LRRC37A2: variants seen among roughly 807,000 people sequenced by gnomAD.
LRRC37A2 encodes the protein leucine rich repeat containing 37 member A2.
LRRC37A2 carries 9 observed loss-of-function variants against 68.8 expected under a neutral mutation model. The observed-to-expected ratio is 0.13, with a 90% CI of 0.08 to 0.23. The LOEUF (loss-of-function observed/expected upper bound fraction) is 0.23. Among genes scored for constraint, LRRC37A2 ranks in the 10% least tolerant of loss-of-function variants. The pLI, the probability that LRRC37A2 is intolerant of heterozygous loss-of-function variation, is 1.00. For missense variants in LRRC37A2, 168 were observed against 950.4 expected, an observed-to-expected ratio of 0.18 and a Z score of 10.82; for synonymous variants, 63 against 367.6, an observed-to-expected ratio of 0.17 and a Z score of 9.48.
At chr17:46,901,270 T>C in the LRRC37A2 span, among the ~76,000 whole-genome samples, 1 of 152,138 alleles carries the variant, frequency 6.6e-6, no homozygotes, top group South Asian at 2.1e-4. Context: ...CAAGTGATTC[T>C]CCTGTCTCAG....
At chr17:46,930,420 A>C in the LRRC37A2 span, 4 of 152,320 alleles carry the variant, frequency 2.6e-5, no homozygotes, top group African/African-American at 9.7e-5. Context: ...TAGAAATGGA[A>C]AGAGGTCATT....
the LRRC37A2 span, chr17:46,922,845 A>G: frequency 1.6e-5 from 6 of 377,724 alleles, no homozygotes; most frequent in South Asian, 1.6e-4. Context: ...ACAGCAGATG[A>G]TAGCGGCTCG....
At chr17:46,923,877 A>G in the LRRC37A2 span, 156 of 392,954 alleles carry the variant, frequency 4.0e-4, 1 homozygote, top group East Asian at 4.0e-3. Flanking sequence ...TTGAGTATTA[A>G]TGGGGCCATA....
chr17:46,818,555 C>T, the LRRC37A2 span: 2 of 1,609,012 alleles, frequency 1.2e-6, no homozygotes, highest in Non-Finnish European at 1.7e-6. Context: ...CTGGTGCCAC[C>T]GAGCAGGAGG....
chr17:46,703,549 G>A, the LRRC37A2 span, among the ~76,000 whole-genome samples: 1 of 148,758 alleles, frequency 6.7e-6, no homozygotes, highest in Non-Finnish European at 1.5e-5. Flanking sequence ...GGGCGTGGTG[G>A]TGGGCACCTG....
the LRRC37A2 span, among the ~76,000 whole-genome samples, chr17:46,750,343 ACT>A: frequency 1.3e-5 from 2 of 152,112 alleles, no homozygotes; most frequent in Admixed American, 6.5e-5. Context: ...AGGGAGCAAA[ACT>A]CTAACAACAA....
the LRRC37A2 span, among the ~76,000 whole-genome samples, chr17:46,403,704 TTTTTTTTTTTTTG>T: frequency 1.0e-5 from 1 of 98,476 alleles, no homozygotes; most frequent in Non-Finnish European, 2.4e-5. Context: ...GTTCTGGAAT[TTTTTTTTTTTTTG>T]AGATAGGGTC....
the LRRC37A2 span, among the ~76,000 whole-genome samples, chr17:46,800,855 G>A: frequency 3.3e-5 from 5 of 152,204 alleles, no homozygotes; most frequent in African/African-American, 1.2e-4. Flanking sequence ...GCGGTGCTGA[G>A]GGAAGGCTGC....
At chr17:46,832,430 T>C in the LRRC37A2 span, among the ~76,000 whole-genome samples, 1,386 of 100,386 alleles carry the variant, frequency 0.014, 23 homozygotes, top group African/African-American at 0.049. Flanking sequence ...AGAAGGGAGG[T>C]TGGGGGGAGA....
chr17:46,541,778 T>C (rs1240876185), intron 8 of LRRC37A2, among the ~76,000 whole-genome samples: 5 of 150,978 alleles, frequency 3.3e-5, no homozygotes, highest in Admixed American at 6.6e-5. Context: ...CTGTATTAGG[T>C]ACTTAGAGTA....
At chr17:46,934,978 A>T in the LRRC37A2 span, 4 of 1,565,656 alleles carry the variant, frequency 2.6e-6, no homozygotes, top group Non-Finnish European at 3.5e-6. Context: ...GTGAGACCCC[A>T]GGAACTGACT....
chr17:46,920,407 T>C, the LRRC37A2 span, among the ~76,000 whole-genome samples: 1 of 152,152 alleles, frequency 6.6e-6, no homozygotes, highest in East Asian at 1.9e-4. Context: ...TGGTACATTG[T>C]AGATGCTCAA....
the LRRC37A2 span, among the ~76,000 whole-genome samples, chr17:46,813,111 T>C: frequency 7.2e-5 from 11 of 151,954 alleles, no homozygotes; most frequent in Non-Finnish European, 1.2e-4. Context: ...GCCAGCTCTT[T>C]GCGATTTAGG....
At chr17:46,710,737 G>A in the LRRC37A2 span, among the ~76,000 whole-genome samples, 1 of 152,086 alleles carries the variant, frequency 6.6e-6, no homozygotes, top group Non-Finnish European at 1.5e-5. Flanking sequence ...TCTCAGCCTA[G>A]AATCCATTGT....
the LRRC37A2 span, chr17:47,018,881 T>C: frequency 9.2e-6 from 14 of 1,518,994 alleles, no homozygotes; most frequent in African/African-American, 1.7e-4. Flanking sequence ...AGGTTGAACT[T>C]TCTCCAACCA....
At chr17:46,905,996 G>T in the LRRC37A2 span, among the ~76,000 whole-genome samples, 209 of 152,332 alleles carry the variant, frequency 1.4e-3, no homozygotes, top group African/African-American at 4.8e-3. Flanking sequence ...GATATGGGCT[G>T]CCGACCTTCT....
chr17:46,814,337 C>T, the LRRC37A2 span, among the ~76,000 whole-genome samples: 1 of 152,202 alleles, frequency 6.6e-6, no homozygotes, highest in Non-Finnish European at 1.5e-5. Flanking sequence ...TAACGTTTGA[C>T]CTGTTTTCTT....
chr17:47,030,906 G>T, the LRRC37A2 span, among the ~76,000 whole-genome samples: 2 of 152,120 alleles, frequency 1.3e-5, no homozygotes. Context: ...CCCAGCTGTG[G>T]TTGATCGATG....
the LRRC37A2 span, among the ~76,000 whole-genome samples, chr17:46,810,756 A>C: frequency 6.6e-6 from 1 of 151,984 alleles, no homozygotes; most frequent in Non-Finnish European, 1.5e-5. Context: ...TACAGCCTCC[A>C]TGACTGCAAT....
Sources: gnomAD v4.1 joint callset for allele counts (sites outside exome capture counted in the v4.1 genomes callset) on GRCh38, gnomAD v4.1.1 for gene constraint, MANE v1.5 for transcripts, NCBI Gene and HGNC (gene_info 2026-07-23, HGNC 2026-07-21) for gene names.